Variants in EPHB1 observed in about 807,000 individuals in gnomAD.
EPHB1 encodes the protein ephrin type-B receptor 1.
EPHB1 carries 30 observed loss-of-function variants against 94.4 expected under a neutral mutation model. That is an observed-to-expected ratio of 0.32 (90% CI 0.24 to 0.43). EPHB1 has a LOEUF of 0.43. Ranked by LOEUF, EPHB1 falls within the 20% of genes least tolerant of loss-of-function variation. The probability of loss-of-function intolerance (pLI) is 1.00; values close to 1 mark genes in which losing one functional copy is unlikely to be tolerated. For missense variants in EPHB1, 1,055 were observed against 1,308.3 expected (o/e 0.81, Z 2.99); for synonymous variants, 522 against 489.1 (o/e 1.07, Z -0.89).
intron 3 of EPHB1, among the ~76,000 whole-genome samples, chr3:134,975,999 A>T (rs910508264): frequency 6.6e-6 from 1 of 152,228 alleles, no homozygotes; most frequent in African/African-American, 2.4e-5. Flanking sequence ...ACCCATAACC[A>T]GAAGTGGGTG....
At position 135,259,204 on chromosome 3, in the gene EPHB1, G is replaced by A. The variant is rs1933545178; in HGVS notation, c.*84G>A. 1 of 1,052,910 alleles carries A rather than the reference G, an allele frequency of 9.5e-7. No homozygotes were observed. Among genetic ancestry groups the A allele is most frequent in the East Asian group, 2.6e-5 (1 of 38,244 alleles). The allele number at this position is 1,052,910 out of a possible 1,614,324, so 65.2% of individuals were successfully genotyped here. ...GAGGTTGACCACTGTGGAATGTACTGGAGAGACTGGCTTCTCAGCTGAGGA... is the reference window on the plus strand; with the variant it reads ...GAGGTTGACCACTGTGGAATGTACTAGAGAGACTGGCTTCTCAGCTGAGGA... On this transcript the variant is annotated 3_prime_UTR_variant, in exon 16 of 16. Coordinates refer to ENST00000398015, the MANE Select transcript of EPHB1 (RefSeq NM_004441.5).
intron 3 of EPHB1, among the ~76,000 whole-genome samples, chr3:135,026,000 A>G (rs1936149825): frequency 2.7e-5 from 2 of 72,918 alleles, no homozygotes; most frequent in Admixed American, 1.9e-4. Context: ...GTTTGGCTGC[A>G]TAAATGTCTT....
At chr3:134,994,955 T>C (rs1243589881) in intron 3 of EPHB1, among the ~76,000 whole-genome samples, 1 of 151,914 alleles carries the variant, frequency 6.6e-6, no homozygotes, top group Non-Finnish European at 1.5e-5. Flanking sequence ...ATTGATTGAC[T>C]TTAGTCAGAT....
At position 135,029,605 on chromosome 3, in the gene EPHB1, A is replaced by C. The variant is rs1452640279; in HGVS notation, c.806-76843A>C. Among the ~76,000 whole-genome samples the C allele has an allele frequency of 1.3e-5, 2 of 149,922 alleles. 1 individual carries two copies. The highest frequency in any genetic ancestry group is 4.5e-4 in the South Asian group (2 of 4,492). ...TGCCGAGAGATCCGCTGTTAGTCTG[A>C]TGGGCTTCCCTTTGAGGGTAACCCG... On this transcript the variant is annotated intron_variant, in intron 3 of 15. Coordinates refer to ENST00000398015, the MANE Select transcript of EPHB1 (RefSeq NM_004441.5).
chr3:135,015,491 C>T (rs1935769862), intron 3 of EPHB1, among the ~76,000 whole-genome samples: 1 of 152,188 alleles, frequency 6.6e-6, no homozygotes, highest in African/African-American at 2.4e-5. Context: ...ATCTGCTCGC[C>T]TCTGCCTCCC....
chr3:135,154,285 G>T lies in EPHB1; in HGVS notation c.1422+9G>T. ...TCCGGTACTATGAGAAGGTGAGCCA[G>T]CTCTACCTGCAAGCTTGCAAGACCC... On this transcript the variant is annotated intron_variant, in intron 6 of 15. Coordinates refer to ENST00000398015, the MANE Select transcript of EPHB1 (RefSeq NM_004441.5). 1 of 1,613,810 alleles carries T rather than the reference G, an allele frequency of 6.2e-7. No individual in the cohort carries two copies. Among genetic ancestry groups the T allele is most frequent in the Non-Finnish European group, 8.5e-7 (1 of 1,179,770 alleles).
At chr3:135,249,877 A>G (rs949114311) in intron 15 of EPHB1, among the ~76,000 whole-genome samples, 1 of 152,248 alleles carries the variant, frequency 6.6e-6, no homozygotes, top group African/African-American at 2.4e-5. Context: ...AGTCTGAGAT[A>G]TGTGGGGAGC....
At chr3:135,172,867 A>G (rs34511001) in intron 9 of EPHB1, among the ~76,000 whole-genome samples, 5,279 of 152,292 alleles carry the variant, frequency 0.035, 141 homozygotes, top group Middle Eastern at 0.068. Flanking sequence ...GAGACTCAAG[A>G]AACCGTGTTA....
At chr3:135,019,555 A>G (rs909350012) in intron 3 of EPHB1, among the ~76,000 whole-genome samples, 3 of 152,186 alleles carry the variant, frequency 2.0e-5, no homozygotes, top group Non-Finnish European at 2.9e-5. Context: ...AAAAATGAAA[A>G]TCACCCAGAA....
At chr3:134,852,772 G>A (rs2037019676) in intron 1 of EPHB1, among the ~76,000 whole-genome samples, 1 of 152,116 alleles carries the variant, frequency 6.6e-6, no homozygotes, top group Admixed American at 6.5e-5. Context: ...AGAATGACTA[G>A]GCCTGTCTTC....
At chr3:134,846,591 C>T (rs757343966) in intron 1 of EPHB1, among the ~76,000 whole-genome samples, 2 of 152,160 alleles carry the variant, frequency 1.3e-5, no homozygotes, top group African/African-American at 2.4e-5. Context: ...TTCTTCTCCA[C>T]GGAGTTGCTT....
intron 3 of EPHB1, among the ~76,000 whole-genome samples, chr3:135,023,248 T>G (rs9837519): frequency 0.22 from 33,937 of 152,170 alleles, 3,920 homozygotes; most frequent in Middle Eastern, 0.26. Context: ...ATTAATATGT[T>G]CAGTATGATG....
intron 3 of EPHB1, among the ~76,000 whole-genome samples, chr3:135,057,826 A>G (rs573122594): frequency 6.6e-5 from 10 of 152,262 alleles, no homozygotes; most frequent in Admixed American, 2.0e-4. Context: ...CAGAAAACCT[A>G]GCCAGCGGGA....
chr3:134,923,263 C>T (rs36190), intron 1 of EPHB1, among the ~76,000 whole-genome samples: 48,820 of 152,154 alleles, frequency 0.32, 9,764 homozygotes, highest in East Asian at 0.6. Flanking sequence ...CCTGTTCATT[C>T]CCAGTTTGAG....
chr3:135,242,180 A>G (rs941569028), intron 13 of EPHB1, among the ~76,000 whole-genome samples: 2 of 152,146 alleles, frequency 1.3e-5, no homozygotes, highest in Admixed American at 6.5e-5. Flanking sequence ...TGTGTTTTGC[A>G]TACATACCCT....
At chr3:134,961,263 C>T (rs1933508380) in intron 3 of EPHB1, among the ~76,000 whole-genome samples, 1 of 152,160 alleles carries the variant, frequency 6.6e-6, no homozygotes, top group African/African-American at 2.4e-5. Context: ...TCTGGAGAAC[C>T]TGATGGAGCA....
At chr3:135,060,686 G>T (rs1559814410) in intron 3 of EPHB1, among the ~76,000 whole-genome samples, 1 of 151,818 alleles carries the variant, frequency 6.6e-6, no homozygotes, top group Non-Finnish European at 1.5e-5. Flanking sequence ...TTATTTATGG[G>T]ATACATGAGA....
intron 3 of EPHB1, among the ~76,000 whole-genome samples, chr3:135,074,706 T>G (rs1042954204): frequency 7.9e-5 from 12 of 152,216 alleles, no homozygotes; most frequent in African/African-American, 1.4e-4. Flanking sequence ...GGCCATCCCC[T>G]CCCCTCTGGG....
At position 135,068,377 on chromosome 3, in the gene EPHB1, G is replaced by A. The variant is rs143974707; in HGVS notation, c.806-38071G>A. Reference sequence around the variant, plus strand: ...TTATTATAGCCTTCCCTGTAGGTATGAAGTGATATTGTGGTTTCAATTTGC... The same window carrying A: ...TTATTATAGCCTTCCCTGTAGGTATAAAGTGATATTGTGGTTTCAATTTGC... On this transcript the variant is annotated intron_variant, in intron 3 of 15. Transcript: ENST00000398015. Among the ~76,000 whole-genome samples the A allele has an allele frequency of 4.0e-3, 613 of 152,282 alleles. 3 individuals are homozygous for A. Among genetic ancestry groups the A allele is most frequent in the African/African-American group, 0.014 (569 of 41,556 alleles).
Sources: gnomAD v4.1 joint callset for allele counts (sites outside exome capture counted in the v4.1 genomes callset) on GRCh38, gnomAD v4.1.1 for gene constraint, MANE v1.5 for transcripts, NCBI Gene and HGNC (gene_info 2026-07-23, HGNC 2026-07-21) for gene names.